Variants in SLX4 observed in about 807,000 individuals in gnomAD.
SLX4 encodes structure-specific endonuclease subunit SLX4.
Under a neutral mutation model 146.2 loss-of-function variants are expected in SLX4, and 112 were observed. The ratio of observed to expected loss-of-function variants is 0.77; its 90% CI spans 0.66 to 0.90. The LOEUF (loss-of-function observed/expected upper bound fraction) is 0.90, where lower values mean the gene tolerates loss of function less well. SLX4 is among the 40% of genes least tolerant of loss of function. SLX4 has a pLI of 0.00. For synonymous variants in SLX4, 1,061 were observed against 997.7 expected (o/e 1.06, Z -1.20); for missense variants, 2,563 against 2,392.7 (o/e 1.07, Z -1.49).
At chr16:3,595,074 T>A (rs1281270709) in intron 9 of SLX4, among the ~76,000 whole-genome samples, 1 of 152,154 alleles carries the variant, frequency 6.6e-6, no homozygotes, top group Non-Finnish European at 1.5e-5. Context: ...TGGTTGACAC[T>A]GACATGCAAA....
chr16:3,611,556 C>G lies in SLX4; in HGVS notation c.-603+4G>C, dbSNP rs779035961. ...TCCCAGCCCCACAGCCCGGCTCCTCCTACCTCCGGCGCCGCCGCGGCACCT... is the reference window on the plus strand; with the variant it reads ...TCCCAGCCCCACAGCCCGGCTCCTCGTACCTCCGGCGCCGCCGCGGCACCT... On this transcript the variant is annotated splice_donor_region_variant and intron_variant, in intron 1 of 14. Coordinates refer to ENST00000294008, the MANE Select transcript of SLX4 (RefSeq NM_032444.4). 6.6e-6 allele frequency: 1 copy of G among 152,540 alleles called. No homozygotes were observed. Among genetic ancestry groups the G allele is most frequent in the Non-Finnish European group, 1.5e-5 (1 of 68,324 alleles). 9.4% of individuals were successfully genotyped at this position (152,540 alleles called of 1,614,324 possible).
intron 12 of SLX4, among the ~76,000 whole-genome samples, chr16:3,585,721 G>A (rs1233352122): frequency 6.8e-6 from 1 of 147,396 alleles, no homozygotes; most frequent in Admixed American, 7.1e-5. Flanking sequence ...ACCACAGTGA[G>A]ATACCACTGC....
rs878855160 is a variant in SLX4 at position 3,608,711 on chromosome 16, T to C, written c.254A>G (p.Gln85Arg). Residue 85 changes from glutamine (Q) to arginine (R), a missense_variant, in exon 2 of 15, where the codon CAG becomes CGG. Gln to Arg is a conservative substitution (Grantham distance 43, BLOSUM62 1). Coordinates refer to ENST00000294008, the MANE Select transcript of SLX4 (RefSeq NM_032444.4). ...GGTCCTTTTCAATTTGCTTCTTATC[T>C]GAGTGCCGTTTGAGGCAGCCTTTTG... is the stretch of plus-strand genomic sequence containing the variant. ...KTQKAASNGTQIRSKLKRTKQ... is the reference protein window; with the variant it reads ...KTQKAASNGTRIRSKLKRTKQ... 6.2e-7 allele frequency: 1 copy of C among 1,614,264 alleles called. No individual in the cohort carries two copies.
chr16:3,586,741 C>G (rs1289601894), intron 12 of SLX4, among the ~76,000 whole-genome samples: 2 of 151,670 alleles, frequency 1.3e-5, no homozygotes, highest in African/African-American at 2.4e-5. Context: ...TCGCTTGGAC[C>G]CAGGAGGTGG....
intron 12 of SLX4, among the ~76,000 whole-genome samples, chr16:3,585,994 C>G (rs1228004772): frequency 6.6e-6 from 1 of 152,056 alleles, no homozygotes; most frequent in Non-Finnish European, 1.5e-5. Context: ...CAGAGCAAGA[C>G]CTTGTCTCAA....
chr16:3,593,073 T>C (rs2040611628), intron 10 of SLX4, among the ~76,000 whole-genome samples: 1 of 152,180 alleles, frequency 6.6e-6, no homozygotes, highest in Non-Finnish European at 1.5e-5. Context: ...TAAATTTTAA[T>C]TAATTTTATT....
intron 10 of SLX4, 94 bp downstream of exon 10, chr16:3,594,359 G>A (rs1462780092): frequency 6.8e-5 from 104 of 1,522,048 alleles, no homozygotes; most frequent in Non-Finnish European, 8.8e-5. Flanking sequence ...GGGGTGGAAA[G>A]GGCACCTGAG....
chr16:3,603,651 T>TC (rs1286639513), intron 3 of SLX4, among the ~76,000 whole-genome samples: 1 of 152,280 alleles, frequency 6.6e-6, no homozygotes, highest in African/African-American at 2.4e-5. Context: ...TCTTCCTATT[T>TC]CTTTTCCTTT....
chr16:3,585,383 G>A (rs1203449157), intron 12 of SLX4, among the ~76,000 whole-genome samples: 5 of 152,160 alleles, frequency 3.3e-5, no homozygotes, highest in East Asian at 1.9e-4. Flanking sequence ...TCAGGAGATC[G>A]AGACCATCCT....
chr16:3,609,134 T>G lies in SLX4; in HGVS notation c.-170A>C, dbSNP rs1226551802. 1.3e-6 allele frequency: 1 copy of G among 743,564 alleles called. No homozygotes were observed. The highest frequency in any genetic ancestry group is 2.9e-5 in the East Asian group (1 of 33,914). The allele number at this position is 743,564 out of a possible 1,614,324, so 46.1% of individuals were successfully genotyped here. A position where few individuals can be genotyped will look rare whatever the true frequency, so the allele number is the denominator to read the frequency against. On this transcript the variant is annotated 5_prime_UTR_variant, in exon 2 of 15. Coordinates refer to ENST00000294008, the MANE Select transcript of SLX4 (RefSeq NM_032444.4). ...AAGTCCACAACTGGGCCGGGCGCGG[T>G]GGCTCACACTTGTAATCCCAGCTCT...
intron 7 of SLX4, 71 bp from the exon 8 acceptor site, chr16:3,596,464 CAT>C (rs1163993968): frequency 6.7e-6 from 10 of 1,499,230 alleles, no homozygotes; most frequent in African/African-American, 2.7e-5. Context: ...GAAGCCATCA[CAT>C]GTGGTATGCA....
chr16:3,584,423 A>C (rs2040483785), intron 13 of SLX4, among the ~76,000 whole-genome samples: 1 of 149,978 alleles, frequency 6.7e-6, no homozygotes, highest in Non-Finnish European at 1.5e-5. Context: ...TCTGTCTTTC[A>C]AAAAAAAAAT....
At chr16:3,596,051 G>A in intron 8 of SLX4, 102 bp downstream of exon 8, 1 of 1,463,958 alleles carries the variant, frequency 6.8e-7, no homozygotes. Context: ...GGTCAGAGCT[G>A]CCGTCGCGGC....
chr16:3,601,065 C>A lies in SLX4; in HGVS notation c.1077G>T (p.Lys359Asn), dbSNP rs149470704. ...GCAGGAGCTGGGGGCCAACCTCCAT[C>A]TTCACAGCACACTGCTTCAAGTGAC... Reference protein sequence around the residue: ...RTSHLKQCAVKMEVGPQLLLQ... With the variant: ...RTSHLKQCAVNMEVGPQLLLQ... Residue 359 changes from lysine to asparagine, a missense_variant, in exon 5 of 15, where the codon AAG becomes AAT. Transcript: ENST00000294008. The A allele has an allele frequency of 1.4e-4, 228 of 1,614,030 alleles. No individual in the cohort carries two copies. The highest frequency in any genetic ancestry group is 1.8e-4 in the Non-Finnish European group (218 of 1,180,040).
In SLX4 at chr16:3,589,456, T is replaced by C. The variant is rs1232843058; in HGVS notation, c.4182A>G (p.Glu1394=). Residue 1394 remains glutamate (E), a synonymous_variant, in exon 12 of 15, where the codon GAA becomes GAG. Coordinates refer to ENST00000294008, the MANE Select transcript of SLX4 (RefSeq NM_032444.4). The surrounding 1 kb of genome is among the most constrained non-coding windows in gnomAD (Gnocchi z 6.2). ...LNQTPAGEVV[E]VGDSDDEQEV... is the part of the protein sequence containing the mutation. The stretch of plus-strand genomic sequence containing the variant: ...CCTGCTCATCGTCACTGTCTCCGAC[T>C]TCCACCACTTCACCCGCTGGGGTCT... The C allele has an allele frequency of 1.2e-6, 2 of 1,607,360 alleles. No individual in the cohort carries two copies.
chr16:3,606,196 A>G (rs1253077203), intron 3 of SLX4, among the ~76,000 whole-genome samples: 1 of 151,886 alleles, frequency 6.6e-6, no homozygotes, highest in Non-Finnish European at 1.5e-5. Flanking sequence ...GGTTGCAGTG[A>G]GCTGAGATCA....
chr16:3,606,483 C>G lies in SLX4; in HGVS notation c.751G>C (p.Ala251Pro). The G allele has an allele frequency of 6.2e-7, 1 of 1,614,202 alleles. No homozygotes were observed. The highest frequency in any genetic ancestry group is 8.5e-7 in the Non-Finnish European group (1 of 1,180,028). Reference protein sequence around the residue: ...VPKDPQEEMMAGNVYGLGPPA... With the variant: ...VPKDPQEEMMPGNVYGLGPPA... ...AACACACTCATCATACCATTCCCCG[C>G]CATCATCTCCTCTTGAGGATCCTTT... The change falls in exon 3 of 15, where the codon GCG becomes CCG. Residue 251 changes from alanine to proline, a missense_variant. Coordinates refer to ENST00000294008, the MANE Select transcript of SLX4 (RefSeq NM_032444.4).
In SLX4 at chr16:3,590,351, C is replaced by T. The variant is rs2151123897; in HGVS notation, c.3287G>A (p.Gly1096Glu). 6.2e-7 allele frequency: 1 copy of T among 1,614,212 alleles called. No homozygotes were observed. Among genetic ancestry groups the T allele is most frequent in the East Asian group, 2.2e-5 (1 of 44,874 alleles). Residue 1096 changes from glycine (G) to glutamate (E), a missense_variant, in exon 12 of 15, where the codon GGG becomes GAG. Transcript: ENST00000294008. The surrounding 1 kb of genome is among the most constrained non-coding windows in gnomAD (Gnocchi z 4.8). ...CCGACGCTCTTTGCCTTTCTGGTGC[C>T]CTGGCTCTTTAGACAGCGTGAGGAT... ...RSILTLSKEP[G>E]HQKGKERRSV...
chr16:3,598,089 G>A, intron 5 of SLX4, 90 bp from the exon 6 acceptor site: 1 of 1,488,100 alleles, frequency 6.7e-7, no homozygotes, highest in Admixed American at 1.7e-5. Flanking sequence ...GGCTGGGCCT[G>A]AGAGAAAAGT....
Sources: allele counts gnomAD v4.1 joint callset (sites outside exome capture counted in the v4.1 genomes callset), GRCh38; gene constraint gnomAD v4.1.1; non-coding constraint Gnocchi (gnomAD v3.1); transcripts MANE v1.5; gene names NCBI Gene and HGNC (gene_info 2026-07-23, HGNC 2026-07-21).